The following OR1A1 variants were observed in gnomAD, a reference collection of about 807,000 sequenced individuals.
OR1A1 encodes olfactory receptor family 1 subfamily A member 1, also known as olfactory receptor 1A1.
For missense variants in OR1A1, 391 were observed against 379.9 expected (o/e 1.03, Z -0.24); for synonymous variants, 145 against 147.8 (o/e 0.98, Z 0.13).
chr17:3,213,846 T>A (rs2048454103), intron 3 of OR1A1: 1 of 152,202 alleles, frequency 6.6e-6, no homozygotes, highest in South Asian at 2.1e-4. Context: ...GTAGTCTAAT[T>A]GAACGTCCAA....
rs1241661023 is a variant in OR1A1 at position 3,216,037 on chromosome 17, G to A, written c.417G>A (p.Arg139=). Residue 139 remains arginine, a synonymous_variant, in exon 4 of 4, where the codon CGG becomes CGA. Transcript: ENST00000641732. ...ACTACACAACAATTATGAGTCCACG[G>A]TCTTGTATCTGGCTTATTGCTGGGT... is the stretch of plus-strand genomic sequence containing the variant. ...PLHYTTIMSP[R]SCIWLIAGSW... 6.2e-7 allele frequency: 1 copy of A among 1,614,134 alleles called. No individual in the cohort carries two copies. Among genetic ancestry groups the A allele is most frequent in the East Asian group, 2.2e-5 (1 of 44,890 alleles).
Position 3,212,541 on chromosome 17 carries a change from C to T in OR1A1, c.-64C>T, listed in dbSNP as rs1466524853. 1.3e-5 allele frequency: 2 copies of T among 152,116 alleles called. No homozygotes were observed. Among genetic ancestry groups the T allele is most frequent in the East Asian group, 1.9e-4 (1 of 5,204 alleles). The allele number at this position is 152,116 out of a possible 1,614,324, so 9.4% of individuals were successfully genotyped here. A position where few individuals can be genotyped will look rare whatever the true frequency, so the allele number is the denominator to read the frequency against. On this transcript the variant is annotated 5_prime_UTR_variant, in exon 3 of 4. Coordinates refer to ENST00000641732, the MANE Select transcript of OR1A1 (RefSeq NM_014565.3). ...CACCTCTGAACTCACATATCCGTAC[C>T]ATATGAGCTAACCATGCTCTCTGCC...
Position 3,207,919 on chromosome 17 carries a change from G to C in OR1A1, c.-638G>C, listed in dbSNP as rs2048419360. On this transcript the variant is annotated 5_prime_UTR_variant, in exon 1 of 4. Coordinates refer to ENST00000641732, the MANE Select transcript of OR1A1 (RefSeq NM_014565.3). ...AGCATCTGAACTGACTCCACAGATA[G>C]GGACTTAGACATTGGAAGAGACTGT... 1 of 152,254 alleles carries C rather than the reference G, an allele frequency of 6.6e-6. No individual in the cohort carries two copies. The highest frequency in any genetic ancestry group is 1.5e-5 in the Non-Finnish European group (1 of 68,058). 9.4% of individuals were successfully genotyped at this position (152,254 alleles called of 1,614,324 possible).
chr17:3,209,051 T>C (rs1478071685), intron 2 of OR1A1, 53 bp downstream of exon 2: 1 of 152,210 alleles, frequency 6.6e-6, no homozygotes, highest in African/African-American at 2.4e-5. Flanking sequence ...TTATTTTTCC[T>C]TAAGTTACTG....
At chr17:3,208,250 T>C (rs1020395222) in intron 1 of OR1A1, among the ~76,000 whole-genome samples, 1 of 152,184 alleles carries the variant, frequency 6.6e-6, no homozygotes, top group Non-Finnish European at 1.5e-5. Flanking sequence ...CTCCTTGGGC[T>C]GTTGTCCATG....
At chr17:3,214,313 A>G (rs2048456207) in intron 3 of OR1A1, 1 of 152,018 alleles carries the variant, frequency 6.6e-6, no homozygotes, top group Admixed American at 6.6e-5. Context: ...AGCCTGGCCA[A>G]TGTGATGAAA....
rs2048472057 is a variant in OR1A1, at chr17:3,216,627, C to T, written c.*77C>T. The T allele has an allele frequency of 1.8e-6, 2 of 1,082,514 alleles. No homozygotes were observed. The highest frequency in any genetic ancestry group is 1.6e-5 in the South Asian group (1 of 61,426). The allele number at this position is 1,082,514 out of a possible 1,614,324, so 67.1% of individuals were successfully genotyped here. On this transcript the variant is annotated 3_prime_UTR_variant, in exon 4 of 4. Coordinates refer to ENST00000641732, the MANE Select transcript of OR1A1 (RefSeq NM_014565.3). ...GAAATCCAGTTCTGATGTCATCCTC[C>T]TACGAGAGGCAGTCTCTGATCTTTC...
In OR1A1 at chr17:3,215,602, CT is replaced by C; in HGVS notation, c.-5-11del. On this transcript the variant is annotated splice_polypyrimidine_tract_variant and intron_variant, in intron 3 of 3. Coordinates refer to ENST00000641732, the MANE Select transcript of OR1A1 (RefSeq NM_014565.3). ...GCTAATATAATGATATTCCTCTCCCCTTTCATGTTAAAGAAGCCATGAGGGA... is the reference window on the plus strand; with the variant it reads ...GCTAATATAATGATATTCCTCTCCCCTTCATGTTAAAGAAGCCATGAGGGA... 3.2e-6 allele frequency: 5 copies of C among 1,576,006 alleles called. No homozygotes were observed. Among genetic ancestry groups the C allele is most frequent in the Non-Finnish European group, 3.5e-6 (4 of 1,147,856 alleles).
In OR1A1 at chr17:3,218,259, T is replaced by C. The variant is rs1265908881; in HGVS notation, c.*1709T>C. Reference sequence around the variant, plus strand: ...AGTTGGAATGGCGATCATTAAAAAGTAAGGAAACAACATATGCTGGAGAGG... The same window carrying C: ...AGTTGGAATGGCGATCATTAAAAAGCAAGGAAACAACATATGCTGGAGAGG... On this transcript the variant is annotated 3_prime_UTR_variant, in exon 4 of 4. Transcript: ENST00000641732. 1 of 152,068 alleles carries C rather than the reference T, an allele frequency of 6.6e-6. No individual in the cohort carries two copies. The highest frequency in any genetic ancestry group is 1.9e-4 in the East Asian group (1 of 5,186). 9.4% of individuals were successfully genotyped at this position (152,068 alleles called of 1,614,324 possible). A position where few individuals can be genotyped will look rare whatever the true frequency, so the allele number is the denominator to read the frequency against.
In OR1A1 at chr17:3,208,666, A is replaced by G. The variant is rs2048424798; in HGVS notation, c.-471A>G. The G allele has an allele frequency of 6.6e-6, 1 of 151,976 alleles. No individual in the cohort carries two copies. Among genetic ancestry groups the G allele is most frequent in the Non-Finnish European group, 1.5e-5 (1 of 67,970 alleles). 9.4% of individuals were successfully genotyped at this position (151,976 alleles called of 1,614,324 possible). A position where few individuals can be genotyped will look rare whatever the true frequency, so the allele number is the denominator to read the frequency against. Reference sequence around the variant, plus strand: ...GAAAGTGGGTATTAAAGGCGCCGCAATGTTCAAGGCCCTGACGTCATCCCA... The same window carrying G: ...GAAAGTGGGTATTAAAGGCGCCGCAGTGTTCAAGGCCCTGACGTCATCCCA... On this transcript the variant is annotated 5_prime_UTR_variant, in exon 2 of 4. The change abolishes an upstream ATG in the 5' untranslated region. Transcript: ENST00000641732.
intron 3 of OR1A1, chr17:3,214,144 C>G (rs1299547226): frequency 1.3e-5 from 2 of 152,042 alleles, no homozygotes; most frequent in South Asian, 4.1e-4. Context: ...ATGGGGAGTA[C>G]AAGAAATATA....
Position 3,215,977 on chromosome 17 carries a change from A to G in OR1A1, c.357A>G (p.Ala119=), listed in dbSNP as rs201037739. ...ACAGCTATATTTTGGCTGCAATGGC[A>G]TATGATCGAGCTGTGGCCATCAGCC... ...NTDSYILAAM[A]YDRAVAISRP... The change falls in exon 4 of 4, where the codon GCA becomes GCG. Residue 119 remains alanine, a synonymous_variant. Transcript: ENST00000641732. The G allele has an allele frequency of 2.5e-6, 4 of 1,614,200 alleles. No individual in the cohort carries two copies. Among genetic ancestry groups the G allele is most frequent in the East Asian group, 4.5e-5 (2 of 44,892 alleles).
intron 3 of OR1A1, 81 bp from the exon 4 acceptor site, chr17:3,215,535 C>A: frequency 9.8e-7 from 1 of 1,023,148 alleles, no homozygotes; most frequent in Non-Finnish European, 1.4e-6. Context: ...TCACTTAAGT[C>A]AGAAGTGATG....
At chr17:3,209,061 G>T (rs2048427364) in intron 2 of OR1A1, 63 bp downstream of exon 2, 1 of 152,078 alleles carries the variant, frequency 6.6e-6, no homozygotes. Flanking sequence ...TTAAGTTACT[G>T]GGGTACAGGT....
intron 2 of OR1A1, among the ~76,000 whole-genome samples, 180 bp downstream of exon 2, chr17:3,209,178 C>T (rs145366574): frequency 1.1e-3 from 166 of 152,174 alleles, no homozygotes; most frequent in African/African-American, 3.8e-3. Flanking sequence ...TTTTATCCCT[C>T]GCCCCCTTCG....
chr17:3,210,109 T>C (rs2048434205), intron 2 of OR1A1, among the ~76,000 whole-genome samples: 1 of 152,116 alleles, frequency 6.6e-6, no homozygotes. Flanking sequence ...GTAGACCATT[T>C]CTAAGTTTCC....
In OR1A1 at chr17:3,218,891, A is replaced by C. The variant is rs1471757025; in HGVS notation, c.*2341A>C. On this transcript the variant is annotated 3_prime_UTR_variant, in exon 4 of 4. Transcript: ENST00000641732. Reference sequence around the variant, plus strand: ...TATGTAACAAACCTGCATGTTCTGCACATGTACCCCAGAATTAAAAGTATA... The same window carrying C: ...TATGTAACAAACCTGCATGTTCTGCCCATGTACCCCAGAATTAAAAGTATA... 1 of 152,160 alleles carries C rather than the reference A, an allele frequency of 6.6e-6. No homozygotes were observed. The highest frequency in any genetic ancestry group is 1.5e-5 in the Non-Finnish European group (1 of 68,036). 9.4% of individuals were successfully genotyped at this position (152,160 alleles called of 1,614,324 possible). A position where few individuals can be genotyped will look rare whatever the true frequency, so the allele number is the denominator to read the frequency against.
intron 3 of OR1A1, chr17:3,213,027 G>T (rs1213554670): frequency 1.3e-5 from 2 of 152,282 alleles, no homozygotes; most frequent in African/African-American, 2.4e-5. Context: ...ATTTCTGGTA[G>T]CCCCCACCCT....
At chr17:3,211,333 T>G (rs1470652560) in intron 2 of OR1A1, among the ~76,000 whole-genome samples, 1 of 56,912 alleles carries the variant, frequency 1.8e-5, no homozygotes, top group Non-Finnish European at 3.7e-5. Flanking sequence ...TTTATTCTCC[T>G]AAATGAATTT....
Sources: allele counts gnomAD v4.1 joint callset (sites outside exome capture counted in the v4.1 genomes callset), GRCh38; gene constraint gnomAD v4.1.1; transcripts MANE v1.5; gene names NCBI Gene and HGNC (gene_info 2026-07-23, HGNC 2026-07-21).